The following TMEM178A variants were observed in gnomAD, a reference collection of about 807,000 sequenced individuals.
TMEM178A encodes transmembrane protein 178A.
Under a neutral mutation model 29.1 loss-of-function variants are expected in TMEM178A, and 12 were observed. The ratio of observed to expected loss-of-function variants is 0.41; its 90% CI spans 0.26 to 0.67. The LOEUF is 0.67. Among genes scored for constraint, TMEM178A ranks in the 30% least tolerant of loss-of-function variants. TMEM178A has a pLI of 0.29. For synonymous variants in TMEM178A, 210 were observed against 187.2 expected, an observed-to-expected ratio of 1.12 and a Z score of -0.99; for missense variants, 366 against 419.1, an observed-to-expected ratio of 0.87 and a Z score of 1.11.
chr2:39,676,558 T>C lies in TMEM178A; in HGVS notation c.400+10184T>C, dbSNP rs1670632279. ...TAGAATTATGTCACGTGACCATTCT[T>C]AAAGCAATCCCGGGCAAGTGGAATG... On this transcript the variant is annotated intron_variant, in intron 1 of 3. Transcript: ENST00000281961. Among the ~76,000 whole-genome samples, 4 of 152,236 alleles carry C rather than the reference T, an allele frequency of 2.6e-5. No homozygotes were observed. In the South Asian group the frequency reaches 8.3e-4, roughly 32 times the overall value.
At chr2:39,695,075 A>G (rs978255472) in intron 1 of TMEM178A, among the ~76,000 whole-genome samples, 4 of 152,242 alleles carry the variant, frequency 2.6e-5, no homozygotes, top group African/African-American at 9.6e-5. Context: ...TGTCTGCTTT[A>G]GCCCCTGCTT....
chr2:39,728,582 T>C, the TMEM178A span, among the ~76,000 whole-genome samples: 4 of 152,216 alleles, frequency 2.6e-5, no homozygotes, highest in East Asian at 1.9e-4. Context: ...AAAAACTTTA[T>C]AGTTGTATGC....
At chr2:39,725,184 T>A in the TMEM178A span, among the ~76,000 whole-genome samples, 2 of 152,126 alleles carry the variant, frequency 1.3e-5, no homozygotes, top group East Asian at 1.9e-4. Flanking sequence ...TGTAGAGCCA[T>A]GCGGGGTGGG....
intron 1 of TMEM178A, among the ~76,000 whole-genome samples, chr2:39,681,428 G>A (rs1391942239): frequency 2.6e-5 from 4 of 152,146 alleles, no homozygotes; most frequent in Non-Finnish European, 5.9e-5. Context: ...TGGTCATTCG[G>A]AAGACTTAAA....
At chr2:39,690,034 C>T (rs955679358) in intron 1 of TMEM178A, among the ~76,000 whole-genome samples, 12 of 152,146 alleles carry the variant, frequency 7.9e-5, no homozygotes, top group African/African-American at 1.9e-4. Flanking sequence ...CCTCACAGGA[C>T]GTTGTCCAAG....
chr2:39,692,435 C>G (rs1049230786), intron 1 of TMEM178A, among the ~76,000 whole-genome samples: 1 of 151,960 alleles, frequency 6.6e-6, no homozygotes, highest in Non-Finnish European at 1.5e-5. Context: ...AAGTTTTGTA[C>G]CTTCAATATA....
rs964697291 is a variant in TMEM178A at position 39,713,351 on chromosome 2, T to G, written c.653-3659T>G. On this transcript the variant is annotated intron_variant, in intron 3 of 3. Transcript: ENST00000281961. Reference sequence around the variant, plus strand: ...GCTAAAAATATATTTCATGCATGAGTACAAACACACACATACTCACATGTG... The same window carrying G: ...GCTAAAAATATATTTCATGCATGAGGACAAACACACACATACTCACATGTG... Among the ~76,000 whole-genome samples the G allele has an allele frequency of 3.0e-4, 45 of 152,216 alleles. 1 individual carries two copies. Among genetic ancestry groups the G allele is most frequent in the African/African-American group, 1.0e-3 (42 of 41,450 alleles).
intron 1 of TMEM178A, 74 bp downstream of exon 1, chr2:39,666,448 C>G (rs1324426261): frequency 8.4e-6 from 10 of 1,189,530 alleles, no homozygotes; most frequent in Non-Finnish European, 1.0e-5. Context: ...AGGGGCGCGC[C>G]GGTCCCCGCA....
At chr2:39,733,396 A>C in the TMEM178A span, among the ~76,000 whole-genome samples, 1 of 152,172 alleles carries the variant, frequency 6.6e-6, no homozygotes, top group African/African-American at 2.4e-5. Context: ...GAAGGATGCC[A>C]ATGGAATGAG....
At chr2:39,706,168 T>C (rs959615861) in intron 2 of TMEM178A, among the ~76,000 whole-genome samples, 1 of 152,222 alleles carries the variant, frequency 6.6e-6, no homozygotes, top group African/African-American at 2.4e-5. Flanking sequence ...CTTGGTTTTG[T>C]CAGGCATGTG....
At chr2:39,713,677 G>A (rs1672408146) in intron 3 of TMEM178A, among the ~76,000 whole-genome samples, 1 of 152,216 alleles carries the variant, frequency 6.6e-6, no homozygotes, top group Non-Finnish European at 1.5e-5. Flanking sequence ...CTACAATTGT[G>A]AGAAAACAAA....
At chr2:39,706,480 A>G (rs74735904) in intron 2 of TMEM178A, among the ~76,000 whole-genome samples, 1,551 of 152,312 alleles carry the variant, frequency 0.01, 23 homozygotes, top group South Asian at 0.04. Context: ...GTTTTTGAAA[A>G]TAGGCAGGAG....
the TMEM178A span, among the ~76,000 whole-genome samples, chr2:39,723,468 C>T: frequency 3.3e-5 from 5 of 152,138 alleles, no homozygotes; most frequent in African/African-American, 1.2e-4. Context: ...AAGAGGATGG[C>T]AGTGGAGCCA....
chr2:39,723,949 TC>T, the TMEM178A span, among the ~76,000 whole-genome samples: 3 of 152,214 alleles, frequency 2.0e-5, no homozygotes, highest in African/African-American at 7.2e-5. Flanking sequence ...AAGTTACTGC[TC>T]TATAGTTTTT....
intron 1 of TMEM178A, among the ~76,000 whole-genome samples, chr2:39,693,401 A>G (rs1478389154): frequency 6.6e-6 from 1 of 152,234 alleles, no homozygotes; most frequent in African/African-American, 2.4e-5. Flanking sequence ...CCATGTGGAA[A>G]GGAAAATCTC....
chr2:39,690,443 A>G (rs991648370), intron 1 of TMEM178A, among the ~76,000 whole-genome samples: 1 of 152,208 alleles, frequency 6.6e-6, no homozygotes, highest in African/African-American at 2.4e-5. Flanking sequence ...CCGTGGGGAA[A>G]ATAAAGGGCA....
At chr2:39,734,946 C>T in the TMEM178A span, among the ~76,000 whole-genome samples, 1,086 of 152,296 alleles carry the variant, frequency 7.1e-3, 5 homozygotes, top group South Asian at 0.023. Flanking sequence ...ACTGTTACCA[C>T]CCTGGGGCAA....
At chr2:39,691,648 G>C (rs1671322398) in intron 1 of TMEM178A, among the ~76,000 whole-genome samples, 1 of 152,020 alleles carries the variant, frequency 6.6e-6, no homozygotes, top group Admixed American at 6.5e-5. Flanking sequence ...TTTATCCAAG[G>C]GAATTAAAAT....
rs1672568849 is a variant in TMEM178A at position 39,717,020 on chromosome 2, C to T, written c.663C>T (p.Cys221=). Residue 221 remains cysteine, a synonymous_variant, in exon 4 of 4, where the codon TGC becomes TGT. Transcript: ENST00000281961. ...GLLFLMTGIF[C]TISLCTYAAS... ...TTGTATTATTTATAGGGATATTTTG[C>T]ACCATTTCCCTCTGTACTTATGCCG... 6.2e-7 allele frequency: 1 copy of T among 1,610,452 alleles called. No homozygotes were observed. The highest frequency in any genetic ancestry group is 8.5e-7 in the Non-Finnish European group (1 of 1,178,882).
Sources: allele counts gnomAD v4.1 joint callset (sites outside exome capture counted in the v4.1 genomes callset), GRCh38; gene constraint gnomAD v4.1.1; transcripts MANE v1.5; gene names NCBI Gene and HGNC (gene_info 2026-07-23, HGNC 2026-07-21).